The following RBFOX1 variants were observed in gnomAD, a reference collection of about 807,000 sequenced individuals.
RBFOX1 encodes the protein RNA binding protein fox-1 homolog 1.
RBFOX1 carries 8 observed loss-of-function variants against 57.7 expected under a neutral mutation model. The observed-to-expected ratio is 0.14, with a 90% CI of 0.08 to 0.25. The LOEUF is 0.25. RBFOX1 is among the 10% of genes least tolerant of loss of function. The pLI, the probability that RBFOX1 is intolerant of heterozygous loss-of-function variation, is 1.00. For missense variants in RBFOX1, 611 were observed against 548.5 expected (o/e 1.11, Z -1.14); for synonymous variants, 326 against 222.4 (o/e 1.47, Z -4.15).
chr16:5,458,673 A>T (rs1389202444), intron 1 of RBFOX1, among the ~76,000 whole-genome samples: 1 of 152,196 alleles, frequency 6.6e-6, no homozygotes, highest in Non-Finnish European at 1.5e-5. Context: ...CATGAATCCA[A>T]ATAGGCAACT....
At chr16:7,502,321 C>G (rs1392824015) in intron 4 of RBFOX1, among the ~76,000 whole-genome samples, 3 of 152,178 alleles carry the variant, frequency 2.0e-5, no homozygotes, top group Non-Finnish European at 4.4e-5. Flanking sequence ...AGCACCTGCC[C>G]TTAAGGAGCT....
intron 3 of RBFOX1, among the ~76,000 whole-genome samples, chr16:6,812,366 C>A (rs575173290): frequency 6.6e-6 from 1 of 151,896 alleles, no homozygotes; most frequent in East Asian, 1.9e-4. Context: ...AGTTTTGGTT[C>A]AGTTTCTTAT....
chr16:7,306,031 T>G (rs2096175676), intron 4 of RBFOX1, among the ~76,000 whole-genome samples: 1 of 152,230 alleles, frequency 6.6e-6, no homozygotes, highest in African/African-American at 2.4e-5. Flanking sequence ...ATTTATCAAA[T>G]TATTACTGAG....
At chr16:6,405,718 A>T (rs1042773794) in intron 2 of RBFOX1, among the ~76,000 whole-genome samples, 2 of 152,184 alleles carry the variant, frequency 1.3e-5, no homozygotes, top group Non-Finnish European at 1.5e-5. Context: ...ACAAACTGTA[A>T]TTCCACAGAA....
chr16:6,985,089 T>A (rs1045941861), intron 3 of RBFOX1, among the ~76,000 whole-genome samples: 1 of 152,084 alleles, frequency 6.6e-6, no homozygotes, highest in Non-Finnish European at 1.5e-5. Context: ...TTCTGGAATT[T>A]CCTCTCCCCT....
chr16:7,211,604 A>G (rs2091156812), intron 4 of RBFOX1, among the ~76,000 whole-genome samples: 1 of 152,150 alleles, frequency 6.6e-6, no homozygotes, highest in Non-Finnish European at 1.5e-5. Flanking sequence ...AGTTGTTGAA[A>G]TCTAGAGGCA....
At chr16:6,969,979 T>A (rs1394749202) in intron 3 of RBFOX1, among the ~76,000 whole-genome samples, 1 of 151,964 alleles carries the variant, frequency 6.6e-6, no homozygotes, top group Non-Finnish European at 1.5e-5. Context: ...TTATGTAATA[T>A]AAAGTCCTTA....
intron 2 of RBFOX1, among the ~76,000 whole-genome samples, chr16:5,578,118 A>C (rs1023106190): frequency 6.6e-6 from 1 of 152,006 alleles, no homozygotes; most frequent in Non-Finnish European, 1.5e-5. Context: ...CACCCAGCTA[A>C]TTTTTGTAAT....
At chr16:6,575,041 TAAA>T (rs60159843) in intron 2 of RBFOX1, among the ~76,000 whole-genome samples, 16,244 of 141,596 alleles carry the variant, frequency 0.11, 1,167 homozygotes, top group East Asian at 0.37. Flanking sequence ...CCGTCTCAAT[TAAA>T]AAAAAAAAAA....
intron 2 of RBFOX1, among the ~76,000 whole-genome samples, chr16:6,513,597 G>A (rs1200407215): frequency 6.6e-6 from 1 of 152,132 alleles, no homozygotes; most frequent in Non-Finnish European, 1.5e-5. Flanking sequence ...AGCTGGGCAG[G>A]GTGGCACACG....
At chr16:7,006,049 T>C (rs764508112) in intron 3 of RBFOX1, among the ~76,000 whole-genome samples, 5 of 152,226 alleles carry the variant, frequency 3.3e-5, no homozygotes, top group Admixed American at 6.5e-5. Flanking sequence ...TCATGGTATA[T>C]GTTCTCCTTT....
At chr16:7,331,233 G>A (rs1049661939) in intron 4 of RBFOX1, among the ~76,000 whole-genome samples, 4 of 152,158 alleles carry the variant, frequency 2.6e-5, no homozygotes, top group Non-Finnish European at 2.9e-5. Flanking sequence ...TTTAGAAAAC[G>A]CCAATAGTTG....
At chr16:6,029,480 A>G (rs2152383379) in intron 1 of RBFOX1, among the ~76,000 whole-genome samples, 1 of 152,356 alleles carries the variant, frequency 6.6e-6, no homozygotes, top group East Asian at 1.9e-4. Flanking sequence ...CTAGCATTTG[A>G]AAGAAAAACA....
At chr16:6,853,313 G>A (rs925668069) in intron 3 of RBFOX1, among the ~76,000 whole-genome samples, 2 of 152,270 alleles carry the variant, frequency 1.3e-5, no homozygotes, top group East Asian at 1.9e-4. Flanking sequence ...GTTTCTATGA[G>A]GATGGTGGTG....
intron 3 of RBFOX1, among the ~76,000 whole-genome samples, chr16:7,036,579 A>G (rs1038210180): frequency 5.5e-4 from 83 of 152,146 alleles, no homozygotes; most frequent in African/African-American, 1.9e-3. Flanking sequence ...CATAATCCCA[A>G]CTATTCGGGA....
chr16:6,324,039 C>A (rs1249449983), intron 2 of RBFOX1, among the ~76,000 whole-genome samples: 2 of 152,284 alleles, frequency 1.3e-5, no homozygotes, highest in East Asian at 3.9e-4. Context: ...TCCCAAAGTG[C>A]TGAGATTATA....
chr16:6,551,439 A>G (rs886695126), intron 2 of RBFOX1, among the ~76,000 whole-genome samples: 2 of 152,202 alleles, frequency 1.3e-5, no homozygotes, highest in Admixed American at 1.3e-4. Flanking sequence ...TGAAAACTAA[A>G]GGATCGTATA....
chr16:6,849,510 A>C (rs962565523), intron 3 of RBFOX1, among the ~76,000 whole-genome samples: 1 of 152,046 alleles, frequency 6.6e-6, no homozygotes, highest in African/African-American at 2.4e-5. Flanking sequence ...TCTACTAAAC[A>C]ATACAAAAAT....
intron 4 of RBFOX1, among the ~76,000 whole-genome samples, chr16:7,493,442 A>G (rs1343208205): frequency 6.6e-6 from 1 of 152,216 alleles, no homozygotes; most frequent in Non-Finnish European, 1.5e-5. Context: ...GTGTTACTGT[A>G]TATGGAAAAA....
Sources: allele counts gnomAD v4.1 joint callset (sites outside exome capture counted in the v4.1 genomes callset), GRCh38; gene constraint gnomAD v4.1.1; transcripts MANE v1.5; gene names NCBI Gene and HGNC (gene_info 2026-07-23, HGNC 2026-07-21).